Variants in CPXM2 observed in about 807,000 individuals in gnomAD.
The protein encoded by CPXM2 is inactive carboxypeptidase-like protein X2.
A neutral mutation model predicts 86.1 loss-of-function variants in CPXM2; 66 were observed. That is an observed-to-expected ratio of 0.77 (90% CI 0.63 to 0.94). The LOEUF is 0.94. Ranked by LOEUF, CPXM2 falls within the 40% of genes least tolerant of loss-of-function variation. The pLI is 0.00. For missense variants in CPXM2, 948 were observed against 1,026.3 expected (o/e 0.92, Z 1.04); for synonymous variants, 388 against 400.2 (o/e 0.97, Z 0.36).
intron 4 of CPXM2, among the ~76,000 whole-genome samples, chr10:123,801,010 A>G (rs56052647): frequency 0.16 from 24,044 of 152,156 alleles, 3,285 homozygotes; most frequent in African/African-American, 0.38. Context: ...CCCTGCCCCA[A>G]GAAAGGTACT....
intron 2 of CPXM2, among the ~76,000 whole-genome samples, chr10:123,899,592 G>A (rs1335155882): frequency 6.6e-6 from 1 of 152,204 alleles, no homozygotes; most frequent in African/African-American, 2.4e-5. Context: ...CGAGGTGAGA[G>A]GATCACTTAA....
At chr10:123,789,768 C>G (rs532383762) in intron 6 of CPXM2, among the ~76,000 whole-genome samples, 38 of 152,242 alleles carry the variant, frequency 2.5e-4, no homozygotes, top group African/African-American at 7.5e-4. Context: ...GCGTCGTTCC[C>G]CTATTGGCTA....
At chr10:123,880,145 T>TTGGGCCCCCCCCC in intron 2 of CPXM2, 66 bp downstream of exon 2, 3 of 407,580 alleles carry the variant, frequency 7.4e-6, no homozygotes, top group Non-Finnish European at 1.4e-5. Context: ...CAGGGGCCTG[T>TTGGGCCCCCCCCC]ACCCACCCAC....
chr10:123,943,835 T>C (rs917243496), upstream of CPXM2, among the ~76,000 whole-genome samples: 1 of 152,170 alleles, frequency 6.6e-6, no homozygotes, highest in Non-Finnish European at 1.5e-5. Flanking sequence ...CTGGTCCTCT[T>C]CCCAGATGGA....
chr10:123,832,845 G>T (rs960687088), intron 4 of CPXM2, among the ~76,000 whole-genome samples: 1 of 103,382 alleles, frequency 9.7e-6, no homozygotes, highest in Non-Finnish European at 1.9e-5. Flanking sequence ...AAAGAAGTGG[G>T]TCTTTGGGGG....
In CPXM2 at chr10:123,891,593, C is replaced by A; in HGVS notation, c.67G>T (p.Val23Phe). ...LVLLAVTLAG[V>F]GAQGAALEDP... ...TCGAGGGCTGCGCCCTGGGCTCCGA[C>A]CCCGGCCAGGGTCACTGCCAGGAGC... The change falls in exon 1 of 14, where the codon GTC (valine) becomes TTC (phenylalanine). Residue 23 changes from valine (V) to phenylalanine (F), a missense_variant. By Grantham distance (50) the Val-to-Phe change is conservative. Transcript: ENST00000241305. This position sits in a 1 kb window ranked among gnomAD's most constrained non-coding sequence, Gnocchi z 5.6. 6.5e-7 allele frequency: 1 copy of A among 1,529,720 alleles called. No individual in the cohort carries two copies. The highest frequency in any genetic ancestry group is 8.8e-7 in the Non-Finnish European group (1 of 1,137,298). 94.8% of individuals were successfully genotyped at this position (1,529,720 alleles called of 1,614,324 possible).
intron 4 of CPXM2, among the ~76,000 whole-genome samples, chr10:123,810,924 G>A (rs1035449449): frequency 4.6e-5 from 7 of 152,062 alleles, no homozygotes; most frequent in Non-Finnish European, 7.4e-5. Context: ...AAGACACTGT[G>A]ATAATGGTGT....
intron 4 of CPXM2, among the ~76,000 whole-genome samples, chr10:123,827,680 C>T (rs1167189886): frequency 2.6e-5 from 4 of 152,046 alleles, no homozygotes; most frequent in Admixed American, 6.5e-5. Flanking sequence ...TACCAAGTTC[C>T]TAGTAAGATG....
intron 4 of CPXM2, among the ~76,000 whole-genome samples, chr10:123,836,354 C>T (rs1462788352): frequency 6.6e-6 from 1 of 152,132 alleles, no homozygotes; most frequent in African/African-American, 2.4e-5. Context: ...ACCTGCCCTG[C>T]ACCTCCAGGT....
intron 4 of CPXM2, among the ~76,000 whole-genome samples, chr10:123,815,486 ACT>A (rs1432538082): frequency 6.6e-6 from 1 of 152,226 alleles, no homozygotes; most frequent in Non-Finnish European, 1.5e-5. Flanking sequence ...AGCTGGGGAC[ACT>A]GAGTTTGTAA....
In CPXM2 at chr10:123,891,652, C is replaced by A. The variant is rs1231688335; in HGVS notation, c.8G>T (p.Arg3Leu). The A allele has an allele frequency of 1.4e-6, 2 of 1,431,144 alleles. No homozygotes were observed. The highest frequency in any genetic ancestry group is 1.5e-5 in the African/African-American group (1 of 66,492). 88.7% of individuals were successfully genotyped at this position (1,431,144 alleles called of 1,614,324 possible). ...CAGCGCTGGGGTAGCGGTCCCCGGG[C>A]GGGACATGCCTGCTCCGCCCCGCGC... MS[R>L]PGTATPALAL... Residue 3 changes from arginine to leucine, a missense_variant, in exon 1 of 14, where the codon CGC becomes CTC. Arg to Leu is a moderately radical substitution (Grantham distance 102, BLOSUM62 -2). Transcript: ENST00000241305. The surrounding 1 kb of genome is among the most constrained non-coding windows in gnomAD (Gnocchi z 5.6).
At chr10:123,850,305 A>G (rs1467121045) in intron 3 of CPXM2, among the ~76,000 whole-genome samples, 1 of 152,174 alleles carries the variant, frequency 6.6e-6, no homozygotes, top group East Asian at 1.9e-4. Context: ...TGTGCATGAG[A>G]ATGTTCAACT....
At chr10:123,912,431 G>A (rs896404548) in intron 2 of CPXM2, among the ~76,000 whole-genome samples, 5 of 152,172 alleles carry the variant, frequency 3.3e-5, no homozygotes, top group African/African-American at 1.2e-4. Context: ...GGTCACATGA[G>A]AGAGGCAGCA....
At chr10:123,861,661 T>A (rs576467049) in intron 3 of CPXM2, among the ~76,000 whole-genome samples, 83 of 152,244 alleles carry the variant, frequency 5.5e-4, no homozygotes, top group Non-Finnish European at 8.1e-4. Flanking sequence ...AGACTCCATC[T>A]GCCTTTGCTG....
intron 3 of CPXM2, among the ~76,000 whole-genome samples, chr10:123,845,435 A>G (rs796895866): frequency 2.0e-5 from 3 of 152,294 alleles, no homozygotes; most frequent in Middle Eastern, 3.4e-3. Flanking sequence ...TACTCTAAAA[A>G]AGGAAAAAGC....
At chr10:123,938,098 C>G (rs72631136) in intron 2 of CPXM2, among the ~76,000 whole-genome samples, 9,150 of 152,114 alleles carry the variant, frequency 0.06, 717 homozygotes, top group East Asian at 0.41. Flanking sequence ...CTGACTCTCT[C>G]TTTATGTATC....
intron 11 of CPXM2, among the ~76,000 whole-genome samples, chr10:123,759,597 G>A (rs956084252): frequency 2.0e-5 from 3 of 152,220 alleles, no homozygotes; most frequent in African/African-American, 7.2e-5. Flanking sequence ...TGAACAAGGG[G>A]CCATGACGTG....
intron 4 of CPXM2, among the ~76,000 whole-genome samples, chr10:123,838,860 T>G (rs569006163): frequency 6.6e-6 from 1 of 152,312 alleles, no homozygotes; most frequent in African/African-American, 2.4e-5. Flanking sequence ...AGCTGTTTAC[T>G]GGGCTCTTAC....
intron 13 of CPXM2, among the ~76,000 whole-genome samples, chr10:123,749,942 A>G (rs1381909043): frequency 1.4e-5 from 2 of 144,224 alleles, no homozygotes; most frequent in African/African-American, 5.1e-5. Context: ...AGTAGCTGGG[A>G]TTACAGGTGT....
Sources: allele counts gnomAD v4.1 joint callset (sites outside exome capture counted in the v4.1 genomes callset), GRCh38; gene constraint gnomAD v4.1.1; non-coding constraint Gnocchi (gnomAD v3.1); transcripts MANE v1.5; gene names NCBI Gene and HGNC (gene_info 2026-07-23, HGNC 2026-07-21).